Variants in REEP1 observed in about 807,000 individuals in gnomAD.
REEP1 encodes receptor accessory protein 1, also known as receptor expression-enhancing protein 1.
Under a neutral mutation model 40.3 loss-of-function variants are expected in REEP1, and 22 were observed. That is an observed-to-expected ratio of 0.55 (90% confidence interval 0.39 to 0.78). The LOEUF (loss-of-function observed/expected upper bound fraction) is 0.78, where lower values mean the gene tolerates loss of function less well. Among genes scored for constraint, REEP1 ranks in the 30% least tolerant of loss-of-function variants. REEP1 has a pLI of 0.00. For synonymous variants in REEP1, 116 were observed against 139.2 expected (o/e 0.83, Z 1.17); for missense variants, 280 against 361.1 (o/e 0.78, Z 1.82).
intron 5 of REEP1, among the ~76,000 whole-genome samples, chr2:86,241,405 C>T (rs1675660103): frequency 6.6e-6 from 1 of 152,200 alleles, no homozygotes; most frequent in Admixed American, 6.5e-5. Context: ...TTGTGATCCT[C>T]ATTCTTTCAC....
At chr2:86,244,886 T>C (rs1675848642) in intron 5 of REEP1, among the ~76,000 whole-genome samples, 1 of 152,248 alleles carries the variant, frequency 6.6e-6, no homozygotes. Context: ...GGCTCATGCC[T>C]GTTATCCCAG....
intron 1 of REEP1, chr2:86,336,918 C>T (rs1455917838): frequency 2.0e-5 from 3 of 152,348 alleles, no homozygotes; most frequent in African/African-American, 4.8e-5. Flanking sequence ...TCCCAGCTGC[C>T]TTTGCCGCTG....
chr2:86,219,846 C>T, intron 8 of REEP1, 124 bp downstream of exon 8: 1 of 675,560 alleles, frequency 1.5e-6, no homozygotes, highest in Non-Finnish European at 2.1e-6. Flanking sequence ...GGAAGGAGAT[C>T]TTTCCACCCC....
chr2:86,278,645 C>T (rs997073727), intron 2 of REEP1, among the ~76,000 whole-genome samples: 13 of 152,176 alleles, frequency 8.5e-5, no homozygotes, highest in Non-Finnish European at 1.6e-4. Context: ...CCAACATGAG[C>T]ATCTTTGTGG....
chr2:86,261,747 T>G (rs2104291386), intron 3 of REEP1, among the ~76,000 whole-genome samples: 1 of 152,236 alleles, frequency 6.6e-6, no homozygotes, highest in African/African-American at 2.4e-5. Context: ...AGGATTAGTA[T>G]AAGAGGAAGG....
chr2:86,319,398 A>G (rs915165183), intron 1 of REEP1, among the ~76,000 whole-genome samples: 6 of 152,206 alleles, frequency 3.9e-5, no homozygotes, highest in Non-Finnish European at 5.9e-5. Context: ...CTAAACCCCA[A>G]TAACTGTGAA....
intron 1 of REEP1, among the ~76,000 whole-genome samples, chr2:86,290,665 G>C (rs1678645449): frequency 6.6e-6 from 1 of 152,204 alleles, no homozygotes; most frequent in African/African-American, 2.4e-5. Flanking sequence ...AGCCCTGAAA[G>C]GACTGTCTCA....
At chr2:86,253,278 GC>G (rs1286218226) in intron 4 of REEP1, among the ~76,000 whole-genome samples, 1 of 151,848 alleles carries the variant, frequency 6.6e-6, no homozygotes, top group African/African-American at 2.4e-5. Flanking sequence ...AAGATTCCGC[GC>G]CCCCCACCCC....
chr2:86,229,420 G>A (rs1017329544), intron 6 of REEP1, among the ~76,000 whole-genome samples: 1 of 152,062 alleles, frequency 6.6e-6, no homozygotes, highest in Non-Finnish European at 1.5e-5. Flanking sequence ...CCTGGCATCT[G>A]AGGCCCACAC....
chr2:86,243,276 C>T (rs1675766183), intron 5 of REEP1, among the ~76,000 whole-genome samples: 1 of 152,146 alleles, frequency 6.6e-6, no homozygotes, highest in Non-Finnish European at 1.5e-5. Context: ...TGCCATGTCA[C>T]CACAGCCAAG....
intron 1 of REEP1, among the ~76,000 whole-genome samples, chr2:86,288,734 C>G (rs1678541217): frequency 6.6e-6 from 1 of 152,160 alleles, no homozygotes; most frequent in Non-Finnish European, 1.5e-5. Flanking sequence ...CTGCAAGTGT[C>G]TAAGATTTTA....
rs1221057326 is a variant in REEP1 at position 86,314,678 on chromosome 2, C to CT, written c.32+22800dup. ...TGTGCTTTTGGGGAGGCAGTTTTTT[C>CT]TTTTTTTTTTGAAACAGGATCTTGC... On this transcript the variant is annotated intron_variant, in intron 1 of 8. Coordinates refer to ENST00000538924, the MANE Select transcript of REEP1 (RefSeq NM_001371279.1). 3.3e-3 allele frequency among the ~76,000 whole-genome samples: 487 copies of CT among 145,476 alleles called. 5 individuals are homozygous for CT. Among genetic ancestry groups the CT allele is most frequent in the African/African-American group, 0.011 (429 of 39,742 alleles).
intron 5 of REEP1, among the ~76,000 whole-genome samples, chr2:86,235,732 T>C (rs910457758): frequency 6.6e-6 from 1 of 152,208 alleles, no homozygotes; most frequent in African/African-American, 2.4e-5. Flanking sequence ...AAGTGCTCCA[T>C]TCAACTCCCA....
chr2:86,289,471 G>T (rs1678580017), intron 1 of REEP1, among the ~76,000 whole-genome samples: 1 of 151,914 alleles, frequency 6.6e-6, no homozygotes. Flanking sequence ...AATTGTCTTG[G>T]CCATTCTTTT....
chr2:86,329,487 C>T (rs940148539), intron 1 of REEP1, among the ~76,000 whole-genome samples: 3 of 152,120 alleles, frequency 2.0e-5, no homozygotes, highest in Admixed American at 6.5e-5. Flanking sequence ...GGGGTCAGAA[C>T]CTCTCAGAAC....
intron 5 of REEP1, among the ~76,000 whole-genome samples, chr2:86,247,557 T>TTTGTTG (rs369383483): frequency 5.0e-5 from 3 of 59,632 alleles, no homozygotes; most frequent in African/African-American, 9.5e-5. Context: ...AGAACTTCCT[T>TTTGTTG]TTGTTGTTGT....
At chr2:86,240,731 G>A (rs552682012) in intron 5 of REEP1, among the ~76,000 whole-genome samples, 1 of 152,304 alleles carries the variant, frequency 6.6e-6, no homozygotes, top group Admixed American at 6.5e-5. Flanking sequence ...GAAGGAGGCA[G>A]GATGTTGAAT....
At chr2:86,266,611 G>T (rs184221115) in intron 2 of REEP1, among the ~76,000 whole-genome samples, 4,527 of 151,502 alleles carry the variant, frequency 0.03, 118 homozygotes, top group East Asian at 0.069. Flanking sequence ...GGGCGACAGA[G>T]CGAGACTCCA....
chr2:86,259,263 TAA>T (rs56151955), intron 3 of REEP1, among the ~76,000 whole-genome samples: 2 of 147,570 alleles, frequency 1.4e-5, no homozygotes, highest in South Asian at 2.2e-4. Context: ...GCACTCTGTC[TAA>T]AAAAAAAAAC....
Sources: allele counts gnomAD v4.1 joint callset (sites outside exome capture counted in the v4.1 genomes callset), GRCh38; gene constraint gnomAD v4.1.1; transcripts MANE v1.5; gene names NCBI Gene and HGNC (gene_info 2026-07-23, HGNC 2026-07-21).